The following RPRD1A variants were observed in gnomAD, a reference collection of about 807,000 sequenced individuals.
The protein encoded by RPRD1A is regulation of nuclear pre-mRNA domain-containing protein 1A.
RPRD1A carries 9 observed loss-of-function variants against 37.8 expected under a neutral mutation model. The observed-to-expected ratio is 0.24, with a 90% CI of 0.14 to 0.42. The LOEUF (loss-of-function observed/expected upper bound fraction) is 0.42, where lower values mean the gene tolerates loss of function less well. Ranked by LOEUF, RPRD1A falls within the 10% of genes least tolerant of loss-of-function variation. RPRD1A has a pLI of 1.00. For missense variants in RPRD1A, 255 were observed against 371.0 expected, an observed-to-expected ratio of 0.69 and a Z score of 2.57; for synonymous variants, 138 against 139.7, an observed-to-expected ratio of 0.99 and a Z score of 0.08.
intron 1 of RPRD1A, among the ~76,000 whole-genome samples, chr18:36,057,051 C>CAAA (rs35428437): frequency 0.031 from 1,377 of 44,724 alleles, 209 homozygotes; most frequent in South Asian, 0.05. Context: ...CCTGTTTCTA[C>CAAA]AAAAAAAAAA....
At chr18:36,038,264 C>A (rs1195067748) in intron 1 of RPRD1A, among the ~76,000 whole-genome samples, 5 of 152,224 alleles carry the variant, frequency 3.3e-5, no homozygotes, top group Non-Finnish European at 7.3e-5. Flanking sequence ...CTGAGCCAGG[C>A]CCAGGGCCTT....
chr18:36,033,353 G>T (rs1911950667), intron 2 of RPRD1A, among the ~76,000 whole-genome samples: 1 of 145,784 alleles, frequency 6.9e-6, no homozygotes, highest in Admixed American at 6.8e-5. Flanking sequence ...AGTGTATATG[G>T]AAATATTTGT....
At chr18:36,052,512 T>C (rs1347299138) in intron 1 of RPRD1A, among the ~76,000 whole-genome samples, 1 of 152,156 alleles carries the variant, frequency 6.6e-6, no homozygotes, top group Non-Finnish European at 1.5e-5. Context: ...CATATAAAGA[T>C]GTACTTTGTG....
At chr18:36,051,180 T>C (rs970271071) in intron 1 of RPRD1A, among the ~76,000 whole-genome samples, 1 of 152,196 alleles carries the variant, frequency 6.6e-6, no homozygotes, top group Non-Finnish European at 1.5e-5. Context: ...TAGGTGCTAC[T>C]GGTTTTCACC....
At chr18:36,008,573 G>GTATGTATGTATGTATGTA (rs1339247337) in intron 6 of RPRD1A, among the ~76,000 whole-genome samples, 7 of 36,634 alleles carry the variant, frequency 1.9e-4, no homozygotes, top group African/African-American at 7.4e-4. Flanking sequence ...AAGACCTTGT[G>GTATGTATGTATGTATGTA]TGTGTATATA....
intron 6 of RPRD1A, among the ~76,000 whole-genome samples, chr18:36,008,820 G>T (rs1909983885): frequency 6.6e-6 from 1 of 151,622 alleles, no homozygotes; most frequent in African/African-American, 2.4e-5. Flanking sequence ...TATCTCACTT[G>T]TTCCACTCTC....
At chr18:36,004,765 C>T (rs528766814) in intron 6 of RPRD1A, among the ~76,000 whole-genome samples, 3 of 152,104 alleles carry the variant, frequency 2.0e-5, no homozygotes, top group East Asian at 3.9e-4. Flanking sequence ...TAGCTGGGCG[C>T]GGTGGCACAC....
At chr18:36,058,500 T>C (rs1364759663) in intron 1 of RPRD1A, among the ~76,000 whole-genome samples, 1 of 152,236 alleles carries the variant, frequency 6.6e-6, no homozygotes, top group African/African-American at 2.4e-5. Flanking sequence ...TTGAATCAGA[T>C]GTAAAAACAT....
chr18:36,062,137 G>A (rs2088923757), intron 1 of RPRD1A, among the ~76,000 whole-genome samples: 1 of 151,220 alleles, frequency 6.6e-6, no homozygotes, highest in Admixed American at 6.6e-5. Flanking sequence ...CTAACAAGGT[G>A]AAACCCCGTC....
intron 6 of RPRD1A, among the ~76,000 whole-genome samples, chr18:36,015,915 G>A (rs527855024): frequency 3.9e-5 from 6 of 152,138 alleles, no homozygotes; most frequent in African/African-American, 9.7e-5. Flanking sequence ...TAACACTAGT[G>A]ACCTATATAC....
At chr18:36,020,121 G>A (rs529731882) in intron 6 of RPRD1A, among the ~76,000 whole-genome samples, 27 of 152,284 alleles carry the variant, frequency 1.8e-4, no homozygotes, top group Middle Eastern at 3.4e-3. Context: ...AATAATGACC[G>A]AAAGTAATGT....
At chr18:36,064,255 G>A (rs571446977) in intron 1 of RPRD1A, 2 of 152,594 alleles carry the variant, frequency 1.3e-5, no homozygotes, top group East Asian at 3.9e-4. Flanking sequence ...AGAGAGAGAG[G>A]CGCCGGCAGG....
intron 1 of RPRD1A, among the ~76,000 whole-genome samples, chr18:36,065,761 T>G (rs893810634): frequency 1.3e-5 from 2 of 152,238 alleles, no homozygotes; most frequent in Admixed American, 6.5e-5. Context: ...TTTGCCAAAT[T>G]GATGAACATA....
At chr18:36,014,004 C>A (rs1394399956) in intron 6 of RPRD1A, among the ~76,000 whole-genome samples, 1 of 151,974 alleles carries the variant, frequency 6.6e-6, no homozygotes, top group Non-Finnish European at 1.5e-5. Context: ...TTTTTATTAT[C>A]TTCCTGTGAT....
At chr18:36,061,076 C>G (rs1333238355) in intron 1 of RPRD1A, among the ~76,000 whole-genome samples, 5 of 152,206 alleles carry the variant, frequency 3.3e-5, no homozygotes, top group Non-Finnish European at 7.3e-5. Context: ...TTCACATATT[C>G]CCAGTGGCTG....
In RPRD1A at chr18:36,027,298, C is replaced by T. The variant is rs1212802214; in HGVS notation, c.499G>A (p.Val167Ile). ...PSEPPQTLDL[V>I]RALQDLENAA... The stretch of plus-strand genomic sequence containing the variant: ...TTTTCCAGATCTTGTAATGCTCTAA[C>T]GAGATCTAGAGTCTAAAAAGTACAC... The change falls in exon 5 of 7, where the codon GTT becomes ATT. Residue 167 changes from valine to isoleucine, a missense_variant. This residue lies in a region of RPRD1A where 211 missense variants were observed against 268.9 expected (regional missense o/e 0.78). Coordinates refer to ENST00000399022, the MANE Select transcript of RPRD1A (RefSeq NM_018170.5). 17 of 1,613,772 alleles carry T rather than the reference C, an allele frequency of 1.1e-5. No homozygotes were observed. Among genetic ancestry groups the T allele is most frequent in the Admixed American group, 3.3e-5 (2 of 59,994 alleles).
rs781199117 is a variant in RPRD1A at position 36,031,021 on chromosome 18, C to T, written c.358G>A (p.Asp120Asn). 6.3e-6 allele frequency: 10 copies of T among 1,598,226 alleles called. No individual in the cohort carries two copies. In the Admixed American group the frequency reaches 1.4e-4, roughly 23 times the overall value. Residue 120 changes from aspartate to asparagine, a missense_variant, in exon 3 of 7, where the codon GAT becomes AAT. Around this residue, in one of 2 missense-constraint regions of RPRD1A, gnomAD observed 211 missense variants for 268.9 expected, o/e 0.78. Transcript: ENST00000399022. Reference sequence around the variant, plus strand: ...GCTTGTTTAAGTTGTTCTAATACATCATTTTCATAAACAGACCTTTCTTCC... The same window carrying T: ...GCTTGTTTAAGTTGTTCTAATACATTATTTTCATAAACAGACCTTTCTTCC... ...IWEERSVYEN[D>N]VLEQLKQALY...
At chr18:36,037,666 A>G (rs372288753) in intron 1 of RPRD1A, among the ~76,000 whole-genome samples, 1 of 152,320 alleles carries the variant, frequency 6.6e-6, no homozygotes, top group East Asian at 1.9e-4. Flanking sequence ...GGCTCTGAAG[A>G]AAACAGAAAG....
chr18:36,041,139 A>G (rs937771501), intron 1 of RPRD1A, among the ~76,000 whole-genome samples: 2 of 152,188 alleles, frequency 1.3e-5, no homozygotes, highest in Non-Finnish European at 2.9e-5. Flanking sequence ...CTTTCTGGAT[A>G]ATCTTCAGGT....
Sources: gnomAD v4.1 joint callset for allele counts (sites outside exome capture counted in the v4.1 genomes callset) on GRCh38, gnomAD v4.1.1 for gene constraint, gnomAD v4.1.1 regional missense constraint, MANE v1.5 for transcripts, NCBI Gene and HGNC (gene_info 2026-07-23, HGNC 2026-07-21) for gene names.